Variants in GAS2 observed in about 807,000 individuals in gnomAD.
GAS2 encodes growth arrest-specific protein 2.
Under a neutral mutation model 37.5 loss-of-function variants are expected in GAS2, and 20 were observed. That is an observed-to-expected ratio of 0.53 (90% CI 0.37 to 0.77). The LOEUF (loss-of-function observed/expected upper bound fraction) is 0.77, where lower values mean the gene tolerates loss of function less well. GAS2 is among the 30% of genes least tolerant of loss of function. The pLI is 0.00. For synonymous variants in GAS2, 144 were observed against 132.2 expected, an observed-to-expected ratio of 1.09 and a Z score of -0.61; for missense variants, 336 against 373.4, an observed-to-expected ratio of 0.90 and a Z score of 0.82.
intron 3 of GAS2, among the ~76,000 whole-genome samples, chr11:22,692,634 T>G (rs1223895057): frequency 6.6e-6 from 1 of 152,312 alleles, no homozygotes; most frequent in East Asian, 1.9e-4. Flanking sequence ...TGCATTTATC[T>G]CAGCCATCAG....
At chr11:22,758,372 T>C (rs549438053) in intron 7 of GAS2, among the ~76,000 whole-genome samples, 4 of 152,334 alleles carry the variant, frequency 2.6e-5, no homozygotes, top group Non-Finnish European at 4.4e-5. Flanking sequence ...AATACGGTCA[T>C]ATTTACTGAC....
intron 1 of GAS2, among the ~76,000 whole-genome samples, chr11:22,658,317 C>T (rs867964146): frequency 6.6e-6 from 1 of 152,294 alleles, no homozygotes; most frequent in South Asian, 2.1e-4. Context: ...GTGTGAGCCA[C>T]TGTGCCTGGC....
intron 7 of GAS2, among the ~76,000 whole-genome samples, chr11:22,782,488 G>A (rs1358331224): frequency 6.6e-6 from 1 of 151,848 alleles, no homozygotes; most frequent in African/African-American, 2.4e-5. Flanking sequence ...CTGAGGTTGG[G>A]GTATGACTTG....
intron 1 of GAS2, among the ~76,000 whole-genome samples, chr11:22,643,169 A>C (rs1848650046): frequency 6.6e-6 from 1 of 152,106 alleles, no homozygotes; most frequent in African/African-American, 2.4e-5. Context: ...CATGAGCTTT[A>C]AAGGCAGATA....
chr11:22,709,694 A>G (rs984038227), intron 3 of GAS2, among the ~76,000 whole-genome samples: 3 of 152,206 alleles, frequency 2.0e-5, no homozygotes, highest in Non-Finnish European at 4.4e-5. Context: ...TCATGCTGCT[A>G]TAAAGACACA....
intron 1 of GAS2, among the ~76,000 whole-genome samples, chr11:22,648,407 GCT>G (rs1331366497): frequency 6.6e-6 from 1 of 152,120 alleles, no homozygotes; most frequent in Non-Finnish European, 1.5e-5. Flanking sequence ...GGTGATGCGG[GCT>G]CTTTTTTGGT....
intron 1 of GAS2, among the ~76,000 whole-genome samples, chr11:22,651,469 T>A (rs1266888317): frequency 6.6e-6 from 1 of 152,220 alleles, no homozygotes. Flanking sequence ...TTGGCCTGCC[T>A]TGCTAGATTG....
At chr11:22,665,593 T>G (rs1445458620), upstream of GAS2, among the ~76,000 whole-genome samples, 1 of 152,172 alleles carries the variant, frequency 6.6e-6, no homozygotes, top group African/African-American at 2.4e-5. Flanking sequence ...GGAGGAAATG[T>G]GGACCTGATA....
At chr11:22,750,687 GT>G (rs1430520493) in intron 6 of GAS2, among the ~76,000 whole-genome samples, 2 of 151,838 alleles carry the variant, frequency 1.3e-5, no homozygotes, top group African/African-American at 2.4e-5. Context: ...ATGATCTATT[GT>G]TTATATATTG....
intron 5 of GAS2, among the ~76,000 whole-genome samples, chr11:22,743,403 A>T (rs1405608498): frequency 6.6e-6 from 1 of 152,100 alleles, no homozygotes; most frequent in African/African-American, 2.4e-5. Context: ...ACAATCTCAG[A>T]TGTTGTGCCA....
At chr11:22,688,420 G>A (rs1324238999) in intron 3 of GAS2, 1 of 152,004 alleles carries the variant, frequency 6.6e-6, no homozygotes, top group Non-Finnish European at 1.5e-5. Context: ...GGTCGGGCCT[G>A]GTTAGGCCTT....
At chr11:22,748,384 T>G (rs560905430) in intron 5 of GAS2, among the ~76,000 whole-genome samples, 4 of 152,198 alleles carry the variant, frequency 2.6e-5, no homozygotes, top group South Asian at 2.1e-4. Context: ...GGAAACCAAA[T>G]CTAATTTTAT....
intron 7 of GAS2, among the ~76,000 whole-genome samples, chr11:22,788,293 A>G (rs950022792): frequency 1.3e-5 from 2 of 152,218 alleles, no homozygotes; most frequent in Non-Finnish European, 2.9e-5. Flanking sequence ...CTTTGACAGG[A>G]AAAGTTTCAG....
At chr11:22,713,393 C>T (rs1317081802) in intron 3 of GAS2, among the ~76,000 whole-genome samples, 1 of 151,882 alleles carries the variant, frequency 6.6e-6, no homozygotes, top group African/African-American at 2.4e-5. Context: ...AATTGGTGTT[C>T]CCAAGGATGA....
chr11:22,682,604 G>A (rs563426667), intron 2 of GAS2, among the ~76,000 whole-genome samples: 4 of 151,994 alleles, frequency 2.6e-5, no homozygotes, highest in Admixed American at 2.6e-4. Context: ...ATGTGGCCTG[G>A]CGTGGTGCCT....
At chr11:22,781,148 T>C (rs925551667) in intron 7 of GAS2, among the ~76,000 whole-genome samples, 7 of 152,168 alleles carry the variant, frequency 4.6e-5, no homozygotes, top group East Asian at 1.9e-4. Flanking sequence ...TGGCAGAGTC[T>C]GCTGTCCTTT....
chr11:22,755,903 C>T lies in GAS2; in HGVS notation c.673C>T (p.Arg225Trp), dbSNP rs781701452. The part of the protein sequence containing the change: ...CKCPNKFCVE[R>W]LSQGRYRVGE... ...ATGCCCAAACAAGTTCTGTGTGGAG[C>T]GGCTCTCCCAAGGAAGATACCGAGT... is the stretch of plus-strand genomic sequence containing the variant. Residue 225 changes from arginine to tryptophan, a missense_variant, in exon 7 of 8, where the codon CGG becomes TGG. Transcript: ENST00000454584. 3.1e-6 allele frequency: 5 copies of T among 1,612,738 alleles called. No individual in the cohort carries two copies. In the African/African-American group the frequency reaches 4.0e-5, roughly 13 times the overall value.
intron 7 of GAS2, among the ~76,000 whole-genome samples, chr11:22,800,425 T>C (rs997263369): frequency 6.6e-6 from 1 of 152,056 alleles, no homozygotes; most frequent in Non-Finnish European, 1.5e-5. Flanking sequence ...CACTAGACAA[T>C]GGAGAGCCCT....
At chr11:22,648,265 T>A (rs562563872) in intron 1 of GAS2, among the ~76,000 whole-genome samples, 2 of 152,130 alleles carry the variant, frequency 1.3e-5, no homozygotes, top group East Asian at 3.9e-4. Flanking sequence ...AGGGCTCTGT[T>A]CTGTTCCATT....
Sources: allele counts gnomAD v4.1 joint callset (sites outside exome capture counted in the v4.1 genomes callset), GRCh38; gene constraint gnomAD v4.1.1; transcripts MANE v1.5; gene names NCBI Gene and HGNC (gene_info 2026-07-23, HGNC 2026-07-21).